PTPRO: variants seen among roughly 807,000 people sequenced by gnomAD.
The protein encoded by PTPRO is protein tyrosine phosphatase receptor type O.
PTPRO carries 62 observed loss-of-function variants against 145.2 expected under a neutral mutation model. That is an observed-to-expected ratio of 0.43 (90% confidence interval 0.35 to 0.53). PTPRO has a LOEUF of 0.53. PTPRO is among the 20% of genes least tolerant of loss of function. The pLI is 0.01. For missense variants in PTPRO, 1,345 were observed against 1,482.7 expected (o/e 0.91, Z 1.53); for synonymous variants, 565 against 514.7 (o/e 1.10, Z -1.32).
In PTPRO at chr12:15,557,438, T is replaced by C; in HGVS notation, c.2559-17T>C. ...TTGTCAAGCAGTAACCTTGATTTTG[T>C]GGTTCCTTTAAAACAGGGAGTGTGG... On this transcript the variant is annotated splice_polypyrimidine_tract_variant and intron_variant, in intron 15 of 26. Coordinates refer to ENST00000281171, the MANE Select transcript of PTPRO (RefSeq NM_030667.3). The C allele has an allele frequency of 6.2e-7, 1 of 1,610,474 alleles. No homozygotes were observed. The highest frequency in any genetic ancestry group is 2.2e-5 in the East Asian group (1 of 44,834).
At position 15,543,507 on chromosome 12, in the gene PTPRO, C is replaced by T. The variant is rs1591708732; in HGVS notation, c.2165-3062C>T. Among the ~76,000 whole-genome samples, 8 of 152,302 alleles carry T rather than the reference C, an allele frequency of 5.3e-5. No homozygotes were observed. The South Asian group carries it at 1.7e-3, about 32-fold the overall frequency. On this transcript the variant is annotated intron_variant, in intron 12 of 26. Transcript: ENST00000281171. ...AACAGAAGAGAACATTAAGATACAA[C>T]CTCAGCGTGTCTGGTCTTGCCTGGT...
intron 2 of PTPRO, among the ~76,000 whole-genome samples, chr12:15,491,939 G>GACAAACAA (rs72189659): frequency 6.6e-6 from 1 of 151,484 alleles, no homozygotes; most frequent in African/African-American, 2.4e-5. Flanking sequence ...CTTCCTGTTT[G>GACAAACAA]ACAAACAAAC....
chr12:15,474,632 C>G (rs1406650049), intron 1 of PTPRO, among the ~76,000 whole-genome samples: 1 of 152,174 alleles, frequency 6.6e-6, no homozygotes, highest in Non-Finnish European at 1.5e-5. Flanking sequence ...AAATATTTTT[C>G]CTGCAGAGTC....
intron 1 of PTPRO, among the ~76,000 whole-genome samples, chr12:15,324,940 G>A (rs1866405312): frequency 6.6e-6 from 1 of 151,998 alleles, no homozygotes; most frequent in Non-Finnish European, 1.5e-5. Flanking sequence ...TGAATTAAAG[G>A]TCCTGATTAA....
At chr12:15,557,981 G>A (rs1437630220) in intron 16 of PTPRO, among the ~76,000 whole-genome samples, 7 of 151,214 alleles carry the variant, frequency 4.6e-5, no homozygotes, top group Admixed American at 6.6e-5. Context: ...TTCGTCACCC[G>A]GGCTGGAGTG....
chr12:15,439,523 C>A (rs75589534), intron 1 of PTPRO: 4,713 of 238,388 alleles, frequency 0.02, 248 homozygotes, highest in African/African-American at 0.1. Flanking sequence ...CAAGAAAACA[C>A]CAAATAGCAG....
intron 12 of PTPRO, among the ~76,000 whole-genome samples, chr12:15,529,743 C>G (rs1942920920): frequency 6.6e-6 from 1 of 152,104 alleles, no homozygotes; most frequent in Non-Finnish European, 1.5e-5. Flanking sequence ...ATAATCAGTT[C>G]ATTAAAAATA....
At chr12:15,407,407 C>T (rs1303035635) in intron 1 of PTPRO, among the ~76,000 whole-genome samples, 6 of 151,960 alleles carry the variant, frequency 3.9e-5, no homozygotes, top group Non-Finnish European at 7.4e-5. Flanking sequence ...TGAATAAATC[C>T]GTAAAACCTA....
chr12:15,583,473 C>G lies in PTPRO; in HGVS notation c.3255+1672C>G, dbSNP rs939427153. 2.0e-5 allele frequency among the ~76,000 whole-genome samples: 3 copies of G among 147,698 alleles called. 1 individual carries two copies. Among genetic ancestry groups the G allele is most frequent in the South Asian group, 4.4e-4 (2 of 4,596 alleles). On this transcript the variant is annotated intron_variant, in intron 23 of 26. Transcript: ENST00000281171. ...CAGCCTGGGCAACAAGAGCAAGACT[C>G]TATCTCCACACACACACACACACAC...
At chr12:15,421,182 C>T (rs569309186) in intron 1 of PTPRO, among the ~76,000 whole-genome samples, 2 of 152,298 alleles carry the variant, frequency 1.3e-5, no homozygotes, top group East Asian at 3.9e-4. Context: ...CTACATAGAA[C>T]CACAGTTCCT....
intron 1 of PTPRO, among the ~76,000 whole-genome samples, chr12:15,404,998 G>A (rs988515553): frequency 3.5e-4 from 54 of 152,274 alleles, no homozygotes; most frequent in African/African-American, 1.2e-3. Flanking sequence ...TGCAGAGAGA[G>A]ATCATCTCTC....
chr12:15,570,679 A>C (rs2135611057), intron 19 of PTPRO, among the ~76,000 whole-genome samples: 1 of 152,356 alleles, frequency 6.6e-6, no homozygotes, highest in Non-Finnish European at 1.5e-5. Context: ...ATGGCATTTC[A>C]GAAAGTATAT....
chr12:15,439,039 C>G (rs571785982), intron 1 of PTPRO, among the ~76,000 whole-genome samples: 2 of 152,182 alleles, frequency 1.3e-5, no homozygotes, highest in South Asian at 4.2e-4. Flanking sequence ...GAGGACAGAT[C>G]ATGTACAAAG....
At chr12:15,468,869 A>G (rs1019950504) in intron 1 of PTPRO, among the ~76,000 whole-genome samples, 1 of 152,218 alleles carries the variant, frequency 6.6e-6, no homozygotes, top group African/African-American at 2.4e-5. Flanking sequence ...TATAGGGATC[A>G]GTCTTTCAGA....
intron 1 of PTPRO, among the ~76,000 whole-genome samples, chr12:15,423,531 A>G (rs1306095677): frequency 6.6e-6 from 1 of 152,208 alleles, no homozygotes; most frequent in Non-Finnish European, 1.5e-5. Context: ...ATGCACTTAC[A>G]TATTTTGTGA....
chr12:15,535,247 C>A (rs967226845), intron 12 of PTPRO, among the ~76,000 whole-genome samples: 1 of 151,972 alleles, frequency 6.6e-6, no homozygotes, highest in Admixed American at 6.6e-5. Context: ...GAATTCTGGG[C>A]TGGAAATATA....
chr12:15,360,828 G>GTA (rs200700897), intron 1 of PTPRO, among the ~76,000 whole-genome samples: 2 of 113,802 alleles, frequency 1.8e-5, no homozygotes, highest in Non-Finnish European at 1.9e-5. Context: ...ATATGTGTGT[G>GTA]TATATATATA....
At chr12:15,420,651 A>G (rs1361152874) in intron 1 of PTPRO, among the ~76,000 whole-genome samples, 1 of 148,202 alleles carries the variant, frequency 6.7e-6, no homozygotes, top group Non-Finnish European at 1.5e-5. Context: ...GTAGTAAATA[A>G]CTATCATTAT....
At chr12:15,490,522 A>G (rs904957036) in intron 2 of PTPRO, among the ~76,000 whole-genome samples, 9 of 152,172 alleles carry the variant, frequency 5.9e-5, no homozygotes. Context: ...TAGGCACAAC[A>G]TCTAAAAATG....
Sources: gnomAD v4.1 joint callset for allele counts (sites outside exome capture counted in the v4.1 genomes callset) on GRCh38, gnomAD v4.1.1 for gene constraint, MANE v1.5 for transcripts, NCBI Gene and HGNC (gene_info 2026-07-23, HGNC 2026-07-21) for gene names.